Variants in ADARB2 observed in about 807,000 individuals in gnomAD.
The protein encoded by ADARB2 is adenosine deaminase RNA specific B2 (inactive).
A neutral mutation model predicts 62.2 loss-of-function variants in ADARB2; 25 were observed. That is an observed-to-expected ratio of 0.40 (90% CI 0.29 to 0.56). The LOEUF is 0.56. ADARB2 is among the 20% of genes least tolerant of loss of function. The probability of loss-of-function intolerance (pLI) is 0.43; values close to 1 mark genes in which losing one functional copy is unlikely to be tolerated. For missense variants in ADARB2, 1,071 were observed against 1,077.4 expected (o/e 0.99, Z 0.08); for synonymous variants, 572 against 500.8 (o/e 1.14, Z -1.90).
intron 1 of ADARB2, among the ~76,000 whole-genome samples, chr10:1,685,195 T>C (rs1834583815): frequency 6.6e-6 from 1 of 152,172 alleles, no homozygotes; most frequent in Admixed American, 6.5e-5. Flanking sequence ...TGAGCATGTG[T>C]GTTGGTGAGT....
chr10:1,550,924 A>G (rs191369680), intron 1 of ADARB2, among the ~76,000 whole-genome samples: 66 of 152,256 alleles, frequency 4.3e-4, no homozygotes, highest in African/African-American at 1.5e-3. Context: ...CTAAAGGTGC[A>G]CTGTGCTTTT....
At chr10:1,325,247 A>G (rs1831834174) in intron 3 of ADARB2, among the ~76,000 whole-genome samples, 1 of 152,148 alleles carries the variant, frequency 6.6e-6, no homozygotes, top group African/African-American at 2.4e-5. Flanking sequence ...CCTCATGAGA[A>G]CATCCCGAAC....
chr10:1,691,362 T>G (rs1424865087), intron 1 of ADARB2, among the ~76,000 whole-genome samples: 3 of 152,128 alleles, frequency 2.0e-5, no homozygotes, highest in Non-Finnish European at 4.4e-5. Context: ...AGCTGCCTGG[T>G]CTGTGGTCTT....
At position 1,421,136 on chromosome 10, in the gene ADARB2, G is replaced by A. The variant is rs530310779; in HGVS notation, c.101-41976C>T. Reference sequence around the variant, plus strand: ...CCCAGGATGGTGGGGGCACCGGCTGGAGGAGGGCGGGGGCTCCTTCAGACC... The same window carrying A: ...CCCAGGATGGTGGGGGCACCGGCTGAAGGAGGGCGGGGGCTCCTTCAGACC... On this transcript the variant is annotated intron_variant, in intron 1 of 9. Transcript: ENST00000381312. 4.1e-4 allele frequency among the ~76,000 whole-genome samples: 62 copies of A among 152,142 alleles called. 2 individuals carry two copies. Among genetic ancestry groups the A allele is most frequent in the Middle Eastern group, 6.8e-3 (2 of 294 alleles).
chr10:1,293,215 G>A (rs1462968109), intron 3 of ADARB2, among the ~76,000 whole-genome samples: 8 of 101,720 alleles, frequency 7.9e-5, no homozygotes, highest in South Asian at 6.8e-4. Context: ...AGGGAGGGAG[G>A]GAGAGAGGGA....
In ADARB2 at chr10:1,340,894, C is replaced by T. The variant is rs982334781; in HGVS notation, c.1077+22134G>A. ...CACCAGAGAACCACGCGCCCCACAGCGGCAATAACCAGCATCCACCAGAGA... is the reference window on the plus strand; with the variant it reads ...CACCAGAGAACCACGCGCCCCACAGTGGCAATAACCAGCATCCACCAGAGA... On this transcript the variant is annotated intron_variant, in intron 3 of 9. Coordinates refer to ENST00000381312, the MANE Select transcript of ADARB2 (RefSeq NM_018702.4). Among the ~76,000 whole-genome samples the T allele has an allele frequency of 2.0e-4, 30 of 151,360 alleles. 1 individual carries two copies. The highest frequency in any genetic ancestry group is 4.0e-4 in the East Asian group (2 of 5,050).
rs71491372 is a variant in ADARB2, at chr10:1,340,821, A to G, written c.1077+22207T>C. On this transcript the variant is annotated intron_variant, in intron 3 of 9. Coordinates refer to ENST00000381312, the MANE Select transcript of ADARB2 (RefSeq NM_018702.4). ...CACGCGCCCCACAGCGGCAATAACC[A>G]GCATCCACCAGAGAACCACACACCC... is the stretch of plus-strand genomic sequence containing the variant. 1.3e-3 allele frequency among the ~76,000 whole-genome samples: 139 copies of G among 110,278 alleles called. 1 individual carries two copies. The highest frequency in any genetic ancestry group is 4.7e-3 in the African/African-American group (118 of 24,958). The allele number at this position is 110,278 out of a possible 152,430, so 72.3% of individuals were successfully genotyped here.
chr10:1,599,136 G>A (rs1030431416), intron 1 of ADARB2, among the ~76,000 whole-genome samples: 11 of 152,214 alleles, frequency 7.2e-5, no homozygotes, highest in African/African-American at 2.4e-4. Flanking sequence ...TATCTCAGAC[G>A]TAAAATTCCA....
At chr10:1,183,741 A>T (rs1383748489) in intron 9 of ADARB2, among the ~76,000 whole-genome samples, 1 of 152,156 alleles carries the variant, frequency 6.6e-6, no homozygotes, top group Non-Finnish European at 1.5e-5. Flanking sequence ...CAGGAGGATG[A>T]TGGAGCTGGG....
At chr10:1,547,821 T>C (rs1446702936) in intron 1 of ADARB2, among the ~76,000 whole-genome samples, 1 of 145,182 alleles carries the variant, frequency 6.9e-6, no homozygotes, top group African/African-American at 2.6e-5. Flanking sequence ...GTGTATACAC[T>C]GTGGGGAGGG....
chr10:1,245,320 T>A (rs537485757), intron 4 of ADARB2, among the ~76,000 whole-genome samples: 192 of 152,288 alleles, frequency 1.3e-3, no homozygotes, highest in Non-Finnish European at 1.7e-3. Flanking sequence ...TTTATTTACT[T>A]ATTTTTTGTT....
chr10:1,509,544 T>C (rs1410264089), intron 1 of ADARB2, among the ~76,000 whole-genome samples: 1 of 152,254 alleles, frequency 6.6e-6, no homozygotes, highest in East Asian at 1.9e-4. Context: ...ACAACTTGGC[T>C]AAATGTCATT....
chr10:1,359,620 C>A (rs1462319735), intron 3 of ADARB2, among the ~76,000 whole-genome samples: 1 of 152,240 alleles, frequency 6.6e-6, no homozygotes, highest in East Asian at 1.9e-4. Context: ...ACCTCCACCA[C>A]AACGCTCACC....
intron 1 of ADARB2, among the ~76,000 whole-genome samples, chr10:1,695,040 C>T (rs966819822): frequency 6.6e-6 from 1 of 152,100 alleles, no homozygotes; most frequent in African/African-American, 2.4e-5. Flanking sequence ...GGGTCATGGG[C>T]CCCCCGTGCC....
chr10:1,303,703 AAG>A (rs1831597365), intron 3 of ADARB2, among the ~76,000 whole-genome samples: 1 of 152,242 alleles, frequency 6.6e-6, no homozygotes, highest in African/African-American at 2.4e-5. Flanking sequence ...TACAAGCCAG[AAG>A]AGAGTGGGGA....
intron 3 of ADARB2, among the ~76,000 whole-genome samples, chr10:1,357,310 A>T (rs1418116963): frequency 6.6e-6 from 1 of 152,164 alleles, no homozygotes; most frequent in African/African-American, 2.4e-5. Flanking sequence ...ACCCTAGGAC[A>T]CTGGCATATC....
intron 6 of ADARB2, among the ~76,000 whole-genome samples, chr10:1,229,634 A>C (rs115341901): frequency 0.015 from 402 of 27,398 alleles, 4 homozygotes; most frequent in African/African-American, 0.077. Flanking sequence ...GATCTGATGC[A>C]TCAGATACGT....
At chr10:1,404,517 G>A (rs1832690483) in intron 1 of ADARB2, among the ~76,000 whole-genome samples, 1 of 152,208 alleles carries the variant, frequency 6.6e-6, no homozygotes, top group African/African-American at 2.4e-5. Context: ...CCTGTGCCCT[G>A]AAAAAAGTGT....
intron 9 of ADARB2, among the ~76,000 whole-genome samples, chr10:1,184,361 C>T (rs972871961): frequency 6.6e-6 from 1 of 152,148 alleles, no homozygotes; most frequent in Non-Finnish European, 1.5e-5. Context: ...TTGCTGTTAT[C>T]CCTACTTGTG....
Sources: allele counts gnomAD v4.1 joint callset (sites outside exome capture counted in the v4.1 genomes callset), GRCh38; gene constraint gnomAD v4.1.1; transcripts MANE v1.5; gene names NCBI Gene and HGNC (gene_info 2026-07-23, HGNC 2026-07-21).